COL23A1: variants seen among roughly 807,000 people sequenced by gnomAD.
COL23A1 encodes collagen type XXIII alpha 1 chain, also known as collagen alpha-1(XXIII) chain.
COL23A1 carries 97 observed loss-of-function variants against 99.3 expected under a neutral mutation model. The ratio of observed to expected loss-of-function variants is 0.98; its 90% CI spans 0.83 to 1.16. The LOEUF (loss-of-function observed/expected upper bound fraction) is 1.16. Among genes scored for constraint, COL23A1 ranks in the 50% most tolerant of loss-of-function variants. The probability of loss-of-function intolerance (pLI) is 0.00; values close to 1 mark genes in which losing one functional copy is unlikely to be tolerated. For synonymous variants in COL23A1, 320 were observed against 308.2 expected (o/e 1.04, Z -0.40); for missense variants, 762 against 757.4 (o/e 1.01, Z -0.07).
chr5:178,531,611 G>A (rs1760656226), intron 2 of COL23A1, among the ~76,000 whole-genome samples: 3 of 152,194 alleles, frequency 2.0e-5, no homozygotes, highest in Admixed American at 2.0e-4. Flanking sequence ...TCTGTTCTCG[G>A]CAGCCAAATG....
At position 178,589,893 on chromosome 5, in the gene COL23A1, A is replaced by C; in HGVS notation, c.294+11T>G. 1 of 1,305,246 alleles carries C rather than the reference A, an allele frequency of 7.7e-7. No individual in the cohort carries two copies. The highest frequency in any genetic ancestry group is 9.7e-7 in the Non-Finnish European group (1 of 1,032,458). The allele number at this position is 1,305,246 out of a possible 1,614,324, so 80.9% of individuals were successfully genotyped here. The stretch of plus-strand genomic sequence containing the variant: ...CCCAAGTCCGCCCCAGCCACGCGCC[A>C]AGACGCTCACCTCCCGCAGCAGGCG... On this transcript the variant is annotated intron_variant, in intron 1 of 28. Transcript: ENST00000390654. This position sits in a 1 kb window ranked among gnomAD's most constrained non-coding sequence, Gnocchi z 5.4.
At position 178,590,169 on chromosome 5, in the gene COL23A1, C is replaced by T. The variant is rs1264290242; in HGVS notation, c.29G>A (p.Gly10Asp). Residue 10 changes from glycine (G) to aspartate (D), a missense_variant, in exon 1 of 29, where the codon GGC becomes GAC. Gly to Asp is a moderately conservative substitution (Grantham distance 94). Coordinates refer to ENST00000390654, the MANE Select transcript of COL23A1 (RefSeq NM_173465.4). The surrounding 1 kb of genome is among the most constrained non-coding windows in gnomAD (Gnocchi z 5.7). ...CGCATTGCCCTTCCCCGCGTCGCCGCCGCCACCGGCGCGCTCGCCTGGGCC... is the reference window on the plus strand; with the variant it reads ...CGCATTGCCCTTCCCCGCGTCGCCGTCGCCACCGGCGCGCTCGCCTGGGCC... MGPGERAGG[G>D]GDAGKGNAAG... is the part of the protein sequence containing the mutation. 1.6e-6 allele frequency: 2 copies of T among 1,221,310 alleles called. No individual in the cohort carries two copies. The highest frequency in any genetic ancestry group is 1.6e-5 in the African/African-American group (1 of 63,190). 75.7% of individuals were successfully genotyped at this position (1,221,310 alleles called of 1,614,324 possible).
chr5:178,512,962 G>A (rs1429351850), intron 2 of COL23A1, among the ~76,000 whole-genome samples: 1 of 152,186 alleles, frequency 6.6e-6, no homozygotes, highest in Non-Finnish European at 1.5e-5. Flanking sequence ...TGAATCTAGA[G>A]GTGTGTGCCC....
chr5:178,287,191 C>CA (rs1757204668), intron 5 of COL23A1, among the ~76,000 whole-genome samples: 3 of 152,212 alleles, frequency 2.0e-5, no homozygotes, highest in Admixed American at 2.0e-4. Flanking sequence ...CCAGGTGTGC[C>CA]ATGGGATGAG....
intron 2 of COL23A1, among the ~76,000 whole-genome samples, chr5:178,534,946 CCA>C (rs1182381844): frequency 6.6e-6 from 1 of 151,688 alleles, no homozygotes. Context: ...TGCTTAAAAT[CCA>C]CAGATTCCTT....
chr5:178,347,669 T>C (rs1455674287), intron 2 of COL23A1, among the ~76,000 whole-genome samples: 2 of 150,338 alleles, frequency 1.3e-5, no homozygotes, highest in Admixed American at 6.6e-5. Context: ...GATCATGAGG[T>C]CAAGAGATCG....
At chr5:178,574,980 C>G (rs1763277391) in intron 1 of COL23A1, among the ~76,000 whole-genome samples, 1 of 152,200 alleles carries the variant, frequency 6.6e-6, no homozygotes, top group South Asian at 2.1e-4. Flanking sequence ...CAGTCATTAA[C>G]TAGCAATCTT....
At chr5:178,446,387 A>G (rs1767160146) in intron 2 of COL23A1, among the ~76,000 whole-genome samples, 1 of 152,072 alleles carries the variant, frequency 6.6e-6, no homozygotes, top group East Asian at 1.9e-4. Flanking sequence ...GAAATTATAT[A>G]TACATATTTT....
At chr5:178,358,437 GTGTA>G (rs1215649337) in intron 2 of COL23A1, among the ~76,000 whole-genome samples, 3 of 144,950 alleles carry the variant, frequency 2.1e-5, no homozygotes, top group African/African-American at 5.0e-5. Flanking sequence ...ATGTGTATGT[GTGTA>G]TGTGTGTATA....
intron 8 of COL23A1, 53 bp downstream of exon 8, chr5:178,267,254 A>G: frequency 6.2e-7 from 1 of 1,602,398 alleles, no homozygotes; most frequent in East Asian, 2.2e-5. Flanking sequence ...ATGCCTCATT[A>G]TTACACAAAA....
At chr5:178,462,892 T>C (rs1436998162) in intron 2 of COL23A1, among the ~76,000 whole-genome samples, 1 of 152,046 alleles carries the variant, frequency 6.6e-6, no homozygotes. Context: ...TTGGTGAAAA[T>C]TTACGGACAG....
intron 1 of COL23A1, among the ~76,000 whole-genome samples, chr5:178,566,641 T>A (rs1003488990): frequency 1.3e-5 from 2 of 151,636 alleles, no homozygotes; most frequent in African/African-American, 2.4e-5. Context: ...CATGATGAAA[T>A]CCCCTCTCTA....
chr5:178,565,703 A>G (rs1762809737), intron 1 of COL23A1, among the ~76,000 whole-genome samples: 1 of 152,118 alleles, frequency 6.6e-6, no homozygotes, highest in East Asian at 1.9e-4. Flanking sequence ...TACAGATGGG[A>G]AAATTGAGAC....
intron 2 of COL23A1, among the ~76,000 whole-genome samples, chr5:178,555,853 G>C (rs991977043): frequency 2.6e-5 from 4 of 152,138 alleles, no homozygotes; most frequent in African/African-American, 7.2e-5. Flanking sequence ...CAGCTCCCAG[G>C]GGGAGGCTTC....
intron 2 of COL23A1, among the ~76,000 whole-genome samples, chr5:178,413,562 T>C (rs1765155276): frequency 6.6e-6 from 1 of 152,240 alleles, no homozygotes; most frequent in African/African-American, 2.4e-5. Context: ...TAAGACATGG[T>C]TTCTGATCTC....
At chr5:178,264,382 T>C (rs979313355) in intron 8 of COL23A1, among the ~76,000 whole-genome samples, 5 of 150,090 alleles carry the variant, frequency 3.3e-5, no homozygotes, top group African/African-American at 7.3e-5. Flanking sequence ...GTTTCTCTCA[T>C]GCAGCAGTAA....
At chr5:178,239,298 T>C in intron 27 of COL23A1, 119 bp from the exon 28 acceptor site, 1 of 1,110,620 alleles carries the variant, frequency 9.0e-7, no homozygotes, top group Non-Finnish European at 1.4e-6. Flanking sequence ...GTGAGACTGC[T>C]GGGCCCCACT....
intron 2 of COL23A1, among the ~76,000 whole-genome samples, chr5:178,380,120 T>C (rs1763299981): frequency 6.6e-6 from 1 of 152,170 alleles, no homozygotes; most frequent in South Asian, 2.1e-4. Context: ...ACATGTGGCC[T>C]GTTTTGCTGA....
rs146193729 is a variant in COL23A1, at chr5:178,402,280, C to T, written c.362-95361G>A. ...CTGAGGTGGGAGAATTGCTTGAGGC[C>T]GGGAGTTGGAGGCCAGCCTGGACAA... On this transcript the variant is annotated intron_variant, in intron 2 of 28. Transcript: ENST00000390654. Among the ~76,000 whole-genome samples, 601 of 152,028 alleles carry T rather than the reference C, an allele frequency of 4.0e-3. 5 individuals carry two copies. Among genetic ancestry groups the T allele is most frequent in the Admixed American group, 8.0e-3 (122 of 15,272 alleles).
Sources: allele counts gnomAD v4.1 joint callset (sites outside exome capture counted in the v4.1 genomes callset), GRCh38; gene constraint gnomAD v4.1.1; non-coding constraint Gnocchi (gnomAD v3.1); transcripts MANE v1.5; gene names NCBI Gene and HGNC (gene_info 2026-07-23, HGNC 2026-07-21).